ZNF428: variants seen among roughly 807,000 people sequenced by gnomAD.
ZNF428 encodes enzyme-like protein PIT13.
In ZNF428, 5 loss-of-function variants were observed where a neutral mutation model predicts 15.6. The observed-to-expected ratio is 0.32, with a 90% CI of 0.17 to 0.67. The LOEUF (loss-of-function observed/expected upper bound fraction) is 0.67, where lower values mean the gene tolerates loss of function less well. Ranked by LOEUF, ZNF428 falls within the 30% of genes least tolerant of loss-of-function variation. ZNF428 has a pLI of 0.73. For missense variants in ZNF428, 237 were observed against 256.0 expected (o/e 0.93, Z 0.51); for synonymous variants, 97 against 102.2 (o/e 0.95, Z 0.31).
chr19:43,611,820 C>T (rs942248694), intron 2 of ZNF428, among the ~76,000 whole-genome samples: 4 of 152,224 alleles, frequency 2.6e-5, no homozygotes, highest in African/African-American at 9.6e-5. Context: ...CTATGGGCTC[C>T]TTGAAGGCAG....
intron 1 of ZNF428, among the ~76,000 whole-genome samples, chr19:43,617,778 C>A (rs571756256): frequency 2.6e-5 from 4 of 152,354 alleles, no homozygotes; most frequent in Middle Eastern, 3.4e-3. Flanking sequence ...CTGGCTCAAA[C>A]AATCCTCCTG....
At chr19:43,610,503 T>A (rs1212077275) in intron 2 of ZNF428, among the ~76,000 whole-genome samples, 1 of 151,434 alleles carries the variant, frequency 6.6e-6, no homozygotes, top group East Asian at 1.9e-4. Flanking sequence ...GCCGGCTCAT[T>A]TTTCTCCATC....
rs1399718880 is a variant in ZNF428 at position 43,612,838 on chromosome 19, A to C, written c.76+1391T>G. On this transcript the variant is annotated intron_variant, in intron 2 of 2. Coordinates refer to ENST00000300811, the MANE Select transcript of ZNF428 (RefSeq NM_182498.4). The surrounding 1 kb of genome is among the most constrained non-coding windows in gnomAD (Gnocchi z 4.2). ...GTGACAACCCATCTCCATCCTCATC[A>C]AGGAAGGTGAAGAGCTACGGTCAGA... 2 of 1,551,602 alleles carry C rather than the reference A, an allele frequency of 1.3e-6. No homozygotes were observed. The highest frequency in any genetic ancestry group is 2.4e-5 in the East Asian group (1 of 40,920).
Position 43,612,493 on chromosome 19 carries a change from T to C in ZNF428, c.76+1736A>G, listed in dbSNP as rs1973310128. On this transcript the variant is annotated intron_variant, in intron 2 of 2. Transcript: ENST00000300811. This position sits in a 1 kb window ranked among gnomAD's most constrained non-coding sequence, Gnocchi z 4.2. ...GCACACACAGCCGGGGTAGGACACC[T>C]GGCAGAAGGGGAAGCCGCAGCTCCA... The C allele has an allele frequency of 6.4e-6, 10 of 1,551,298 alleles. No homozygotes were observed. In the East Asian group the frequency reaches 2.4e-4, roughly 38 times the overall value.
In ZNF428 at chr19:43,612,194, G is replaced by A. The variant is rs781040590; in HGVS notation, c.76+2035C>T. 81 of 1,551,542 alleles carry A rather than the reference G, an allele frequency of 5.2e-5. No individual in the cohort carries two copies. Among genetic ancestry groups the A allele is most frequent in the Non-Finnish European group, 6.5e-5 (74 of 1,146,994 alleles). ...CAGTGGATCCTCCATGCCCACTGCG[G>A]ATCCCAAGCCTCCTGCCTCCTTGAA... On this transcript the variant is annotated intron_variant, in intron 2 of 2. Coordinates refer to ENST00000300811, the MANE Select transcript of ZNF428 (RefSeq NM_182498.4). This position sits in a 1 kb window ranked among gnomAD's most constrained non-coding sequence, Gnocchi z 4.2.
chr19:43,613,652 C>A (rs139506139), intron 2 of ZNF428: 4 of 1,548,686 alleles, frequency 2.6e-6, no homozygotes, highest in Non-Finnish European at 3.5e-6. Context: ...ACAGTGCAGA[C>A]AATCTAGAAG....
At chr19:43,610,782 C>G (rs1973287083) in intron 2 of ZNF428, among the ~76,000 whole-genome samples, 1 of 152,128 alleles carries the variant, frequency 6.6e-6, no homozygotes, top group Non-Finnish European at 1.5e-5. Context: ...AGTGGGAGGC[C>G]TTCCTCTTTG....
rs1973254739 is a variant in ZNF428, at chr19:43,607,771, G to T, written c.413C>A (p.Pro138Gln). ...GRALGEEEEE[P>Q]PRAGEGRPAG... ...TGGTCGGCCCTCCCCAGCCCGAGGT[G>T]GTTCCTCCTCTTCCTCCCCGAGGGC... Residue 138 changes from proline to glutamine, a missense_variant, in exon 3 of 3, where the codon CCA becomes CAA. Pro to Gln is a moderately conservative substitution (Grantham distance 76, BLOSUM62 -1). Transcript: ENST00000300811. This position sits in a 1 kb window ranked among gnomAD's most constrained non-coding sequence, Gnocchi z 5.1. 1 of 1,604,978 alleles carries T rather than the reference G, an allele frequency of 6.2e-7. No homozygotes were observed. The highest frequency in any genetic ancestry group is 1.7e-5 in the Admixed American group (1 of 58,364).
chr19:43,613,823 G>C, intron 2 of ZNF428: 1 of 1,549,400 alleles, frequency 6.5e-7, no homozygotes, highest in Non-Finnish European at 8.7e-7. Flanking sequence ...CAAAGAGAGA[G>C]ATCGCAGACG....
rs763625034 is a variant in ZNF428, at chr19:43,612,479, C to T, written c.76+1750G>A. On this transcript the variant is annotated intron_variant, in intron 2 of 2. Transcript: ENST00000300811. This position sits in a 1 kb window ranked among gnomAD's most constrained non-coding sequence, Gnocchi z 4.2. The stretch of plus-strand genomic sequence containing the variant: ...CCACCAGCGGAGGGGCACACACAGC[C>T]GGGGTAGGACACCTGGCAGAAGGGG... 2.3e-5 allele frequency: 36 copies of T among 1,545,588 alleles called. No homozygotes were observed. The highest frequency in any genetic ancestry group is 3.4e-4 in the Middle Eastern group (2 of 5,954).
intron 2 of ZNF428, 66 bp from the exon 3 acceptor site, chr19:43,608,173 C>G (rs1373786243): frequency 1.9e-6 from 3 of 1,544,914 alleles, no homozygotes; most frequent in Non-Finnish European, 1.7e-6. Context: ...AAGCTGTCCC[C>G]TCCCTGAATC....
rs1468083036 is a variant in ZNF428 at position 43,614,239 on chromosome 19, G to T, written c.66C>A (p.Asp22Glu). The change falls in exon 2 of 3, where the codon GAC (aspartate) becomes GAA (glutamate). Residue 22 changes from aspartate (D) to glutamate (E), a missense_variant. By Grantham distance (45) the Asp-to-Glu change is conservative. Transcript: ENST00000300811. The stretch of plus-strand genomic sequence containing the variant: ...CTAAGGCCACCTTACCTGGGGAAAG[G>T]TCTTCATCATCTTCTTCCAAGCTGG... The part of the protein sequence containing the change: ...GYASLEEDDE[D>E]LSPGPEHSSD... 1 of 1,614,198 alleles carries T rather than the reference G, an allele frequency of 6.2e-7. No homozygotes were observed.
chr19:43,618,499 C>A (rs1973396318), intron 1 of ZNF428, among the ~76,000 whole-genome samples: 1 of 151,562 alleles, frequency 6.6e-6, no homozygotes, highest in African/African-American at 2.4e-5. Context: ...GCTCAAGGTA[C>A]CCTACTAGCC....
intron 1 of ZNF428, among the ~76,000 whole-genome samples, chr19:43,619,150 C>G (rs1333786469): frequency 1.3e-5 from 2 of 152,240 alleles, no homozygotes. Context: ...ACAATAACGG[C>G]CAGTTCCCAC....
Position 43,612,942 on chromosome 19 carries a change from C to G in ZNF428, c.76+1287G>C. On this transcript the variant is annotated intron_variant, in intron 2 of 2. Coordinates refer to ENST00000300811, the MANE Select transcript of ZNF428 (RefSeq NM_182498.4). The surrounding 1 kb of genome is among the most constrained non-coding windows in gnomAD (Gnocchi z 4.2). ...GTCAAGAGTTATAACCAGGCCAGCA[C>G]CCGCAGCAGGCCGCAAAGTCACAGC... The G allele has an allele frequency of 1.3e-6, 2 of 1,551,648 alleles. No individual in the cohort carries two copies. The highest frequency in any genetic ancestry group is 1.7e-6 in the Non-Finnish European group (2 of 1,146,950).
Position 43,613,119 on chromosome 19 carries a change from G to T in ZNF428, c.76+1110C>A, listed in dbSNP as rs12608798. 391 of 1,551,712 alleles carry T rather than the reference G, an allele frequency of 2.5e-4. 2 individuals carry two copies. The East Asian group carries it at 9.0e-3, about 36-fold the overall frequency. On this transcript the variant is annotated intron_variant, in intron 2 of 2. Coordinates refer to ENST00000300811, the MANE Select transcript of ZNF428 (RefSeq NM_182498.4). Reference sequence around the variant, plus strand: ...CAGATGGGAAGACACAGCCAGTCTAGAAGCCACAGCAAGGGGAAAAGTCAA... The same window carrying T: ...CAGATGGGAAGACACAGCCAGTCTATAAGCCACAGCAAGGGGAAAAGTCAA...
At position 43,607,396 on chromosome 19, in the gene ZNF428, AAC is replaced by A. The variant is rs954382245; in HGVS notation, c.*219_*220del. 21 of 528,966 alleles carry A rather than the reference AAC, an allele frequency of 4.0e-5. No homozygotes were observed. The highest frequency in any genetic ancestry group is 9.1e-5 in the African/African-American group (4 of 43,756). 32.8% of individuals were successfully genotyped at this position (528,966 alleles called of 1,614,324 possible). On this transcript the variant is annotated 3_prime_UTR_variant, in exon 3 of 3. Coordinates refer to ENST00000300811, the MANE Select transcript of ZNF428 (RefSeq NM_182498.4). The surrounding 1 kb of genome is among the most constrained non-coding windows in gnomAD (Gnocchi z 5.1). ...ATACACACACACACACACACACACA[AAC>A]ACACACACGGGCGGGAATACACACA...
chr19:43,616,136 T>G (rs1973369505), intron 1 of ZNF428, among the ~76,000 whole-genome samples: 1 of 152,036 alleles, frequency 6.6e-6, no homozygotes, highest in Non-Finnish European at 1.5e-5. Flanking sequence ...GCTGTAGGAG[T>G]TACCAGCCAG....
chr19:43,614,574 C>A, intron 1 of ZNF428, 140 bp from the exon 2 acceptor site: 2 of 638,584 alleles, frequency 3.1e-6, no homozygotes, highest in Non-Finnish European at 4.6e-6. Flanking sequence ...TCTACAGGGT[C>A]TTGACTGCAA....
Sources: gnomAD v4.1 joint callset for allele counts (sites outside exome capture counted in the v4.1 genomes callset) on GRCh38, gnomAD v4.1.1 for gene constraint, Gnocchi (gnomAD v3.1) non-coding constraint, MANE v1.5 for transcripts, NCBI Gene and HGNC (gene_info 2026-07-23, HGNC 2026-07-21) for gene names.